ZFHX3: variants seen among roughly 807,000 people sequenced by gnomAD.
ZFHX3 encodes the protein zinc finger homeobox 3.
In ZFHX3, 42 loss-of-function variants were observed where a neutral mutation model predicts 279.1. The ratio of observed to expected loss-of-function variants is 0.15; its 90% CI spans 0.12 to 0.19. The LOEUF is 0.19. ZFHX3 is among the 10% of genes least tolerant of loss of function. ZFHX3 has a pLI of 1.00. For synonymous variants in ZFHX3, 2,293 were observed against 1,957.8 expected (o/e 1.17, Z -4.52); for missense variants, 4,981 against 4,754.0 (o/e 1.05, Z -1.40).
chr16:73,616,940 G>C (rs1339245472), intron 2 of ZFHX3, among the ~76,000 whole-genome samples: 2 of 152,156 alleles, frequency 1.3e-5, no homozygotes, highest in East Asian at 3.9e-4. Context: ...GGTCAAGTCT[G>C]CTGTCACTTC....
intron 4 of ZFHX3, among the ~76,000 whole-genome samples, chr16:73,277,809 T>TA (rs1330010470): frequency 6.6e-6 from 1 of 152,158 alleles, no homozygotes; most frequent in Non-Finnish European, 1.5e-5. Flanking sequence ...ACAGGAAATA[T>TA]AGTGGTTTTG....
rs1420601817 is a variant in ZFHX3, at chr16:73,831,930, T to A, written c.-1608+59721A>T. On this transcript the variant is annotated intron_variant, in intron 1 of 17. Transcript: ENST00000641206. Reference sequence around the variant, plus strand: ...GTTTTTTTGTTTTTGAAATGGAGTCTCTCTCTGTCACCCAGGCTGGAGTGC... The same window carrying A: ...GTTTTTTTGTTTTTGAAATGGAGTCACTCTCTGTCACCCAGGCTGGAGTGC... Among the ~76,000 whole-genome samples the A allele has an allele frequency of 2.0e-5, 3 of 152,192 alleles. No individual in the cohort carries two copies. In the East Asian group the frequency reaches 5.8e-4, roughly 29 times the overall value.
chr16:73,111,716 G>C (rs1215074195), intron 7 of ZFHX3, among the ~76,000 whole-genome samples: 1 of 150,870 alleles, frequency 6.6e-6, no homozygotes, highest in Non-Finnish European at 1.5e-5. Flanking sequence ...AAGAAAGAAA[G>C]GAAAGAAAAG....
At chr16:73,168,605 C>T (rs769373951) in intron 5 of ZFHX3, among the ~76,000 whole-genome samples, 11 of 152,086 alleles carry the variant, frequency 7.2e-5, no homozygotes, top group Non-Finnish European at 2.9e-5. Context: ...TCTACTGAGC[C>T]CAAATTCTCT....
At chr16:73,859,916 T>C (rs921903547) in intron 1 of ZFHX3, among the ~76,000 whole-genome samples, 14 of 152,212 alleles carry the variant, frequency 9.2e-5, no homozygotes, top group African/African-American at 3.1e-4. Context: ...TGTCTGTCTT[T>C]TTCATGCAGC....
At chr16:73,634,157 C>G (rs561758275) in intron 2 of ZFHX3, among the ~76,000 whole-genome samples, 103 of 151,938 alleles carry the variant, frequency 6.8e-4, no homozygotes, top group African/African-American at 2.3e-3. Flanking sequence ...TGCACACACA[C>G]TGTATCATGT....
At chr16:73,039,117 TAAA>T (rs11343058) in intron 1 of ZFHX3, among the ~76,000 whole-genome samples, 6 of 133,780 alleles carry the variant, frequency 4.5e-5, no homozygotes, top group Non-Finnish European at 8.0e-5. Context: ...CCTAGCTAAT[TAAA>T]AAAAAAAAAA....
At chr16:73,695,513 A>G (rs549738971) in intron 1 of ZFHX3, among the ~76,000 whole-genome samples, 6 of 152,322 alleles carry the variant, frequency 3.9e-5, no homozygotes, top group African/African-American at 1.4e-4. Context: ...GAACTAGTCA[A>G]CAGAAGGTCT....
At chr16:73,188,129 G>A (rs1436787320) in intron 5 of ZFHX3, among the ~76,000 whole-genome samples, 8 of 152,140 alleles carry the variant, frequency 5.3e-5, no homozygotes, top group East Asian at 1.9e-4. Flanking sequence ...CCAAAGTGCA[G>A]GGATTACAGG....
chr16:73,797,366 G>T (rs2142321736), intron 1 of ZFHX3, among the ~76,000 whole-genome samples: 1 of 152,296 alleles, frequency 6.6e-6, no homozygotes. Flanking sequence ...TTCCTGACCT[G>T]CTCCTGTAGG....
At chr16:73,010,151 T>C (rs1036384298) in intron 1 of ZFHX3, among the ~76,000 whole-genome samples, 22 of 151,920 alleles carry the variant, frequency 1.4e-4, no homozygotes, top group African/African-American at 4.8e-4. Context: ...GCAAGGCCCT[T>C]TAACAGCGAA....
At chr16:73,695,242 G>GGT (rs2053186642) in intron 1 of ZFHX3, among the ~76,000 whole-genome samples, 1 of 139,264 alleles carries the variant, frequency 7.2e-6, no homozygotes, top group East Asian at 2.1e-4. Context: ...GTTTTTTTTT[G>GGT]TTTTTTTTTT....
chr16:73,880,760 G>C (rs1345219331), intron 1 of ZFHX3, among the ~76,000 whole-genome samples: 1 of 152,078 alleles, frequency 6.6e-6, no homozygotes, highest in African/African-American at 2.4e-5. Context: ...GATGTGCCTG[G>C]TCTATTTATT....
chr16:72,882,975 GGGGT>G (rs2038521208), intron 4 of ZFHX3, among the ~76,000 whole-genome samples: 1 of 113,428 alleles, frequency 8.8e-6, no homozygotes, highest in East Asian at 2.7e-4. Context: ...ACACCACTCT[GGGGT>G]GTGTGTGTGT....
intron 2 of ZFHX3, among the ~76,000 whole-genome samples, chr16:73,634,405 G>C (rs2142150066): frequency 7.0e-6 from 1 of 143,554 alleles, no homozygotes; most frequent in East Asian, 2.0e-4. Flanking sequence ...TAGTCACGGA[G>C]AAGGCAACTC....
At chr16:73,547,559 G>A (rs577016472) in intron 2 of ZFHX3, among the ~76,000 whole-genome samples, 1 of 152,072 alleles carries the variant, frequency 6.6e-6, no homozygotes, top group Non-Finnish European at 1.5e-5. Context: ...AACCATGGAT[G>A]GGGGGGTTTG....
chr16:73,203,156 C>T (rs983197504), intron 5 of ZFHX3, among the ~76,000 whole-genome samples: 2 of 152,076 alleles, frequency 1.3e-5, no homozygotes, highest in Non-Finnish European at 2.9e-5. Context: ...CTGACCCACA[C>T]GTGTATCTCT....
intron 1 of ZFHX3, among the ~76,000 whole-genome samples, chr16:73,744,893 T>C (rs893227599): frequency 4.6e-5 from 7 of 152,150 alleles, no homozygotes; most frequent in African/African-American, 1.4e-4. Flanking sequence ...CCAAACGAGA[T>C]TGGATTAAAT....
At chr16:73,064,800 T>C (rs899608296) in intron 8 of ZFHX3, among the ~76,000 whole-genome samples, 2 of 152,276 alleles carry the variant, frequency 1.3e-5, no homozygotes, top group Non-Finnish European at 2.9e-5. Context: ...TTCTTTGCAA[T>C]GGAAATCTGA....
Sources: allele counts gnomAD v4.1 joint callset (sites outside exome capture counted in the v4.1 genomes callset), GRCh38; gene constraint gnomAD v4.1.1; transcripts MANE v1.5; gene names NCBI Gene and HGNC (gene_info 2026-07-23, HGNC 2026-07-21).